Variants in BTBD9 observed in about 807,000 individuals in gnomAD.
BTBD9 encodes BTB domain containing 9.
Under a neutral mutation model 64.3 loss-of-function variants are expected in BTBD9, and 49 were observed. The observed-to-expected ratio is 0.76, with a 90% CI of 0.61 to 0.97. The LOEUF (loss-of-function observed/expected upper bound fraction) is 0.97, where lower values mean the gene tolerates loss of function less well. BTBD9 is among the 50% of genes least tolerant of loss of function. The pLI is 0.00. For missense variants in BTBD9, 598 were observed against 762.1 expected (o/e 0.78, Z 2.53); for synonymous variants, 260 against 274.7 (o/e 0.95, Z 0.53).
chr6:38,347,932 G>A (rs909268382), intron 6 of BTBD9, among the ~76,000 whole-genome samples: 2 of 152,218 alleles, frequency 1.3e-5, no homozygotes, highest in Admixed American at 6.5e-5. Flanking sequence ...GGGAGGCAGA[G>A]GTTGCAGTGA....
intron 6 of BTBD9, among the ~76,000 whole-genome samples, chr6:38,378,897 AG>A (rs1765806220): frequency 6.6e-6 from 1 of 151,544 alleles, no homozygotes; most frequent in African/African-American, 2.4e-5. Flanking sequence ...AAGAAAAAAA[AG>A]GGGAGGCAAG....
At chr6:38,476,893 C>T (rs1770908836) in intron 6 of BTBD9, among the ~76,000 whole-genome samples, 1 of 152,228 alleles carries the variant, frequency 6.6e-6, no homozygotes, top group Admixed American at 6.5e-5. Flanking sequence ...AATGTTATTA[C>T]TATACCTAAT....
At chr6:38,201,052 C>A (rs889491630) in intron 9 of BTBD9, among the ~76,000 whole-genome samples, 1 of 151,540 alleles carries the variant, frequency 6.6e-6, no homozygotes, top group Admixed American at 6.6e-5. Flanking sequence ...AAAAAAAAAT[C>A]CCAAAACCAA....
intron 9 of BTBD9, among the ~76,000 whole-genome samples, chr6:38,230,878 A>C (rs973814003): frequency 1.2e-4 from 18 of 152,168 alleles, no homozygotes; most frequent in African/African-American, 4.1e-4. Context: ...TGCCTACCAC[A>C]GCCTAGTCAC....
At chr6:38,226,770 C>T (rs1013605939) in intron 9 of BTBD9, among the ~76,000 whole-genome samples, 16 of 152,240 alleles carry the variant, frequency 1.1e-4, no homozygotes, top group Admixed American at 7.9e-4. Context: ...CACACACACA[C>T]GCACTCACAG....
chr6:38,590,702 C>G (rs1264800501), intron 4 of BTBD9, among the ~76,000 whole-genome samples: 1 of 152,196 alleles, frequency 6.6e-6, no homozygotes, highest in Non-Finnish European at 1.5e-5. Context: ...TATTTCATTA[C>G]AGACATACCT....
chr6:38,368,467 T>C (rs1037355941), intron 6 of BTBD9, among the ~76,000 whole-genome samples: 19 of 152,184 alleles, frequency 1.2e-4, no homozygotes, highest in African/African-American at 4.3e-4. Context: ...CCTGAGTAGC[T>C]GGGATTATAG....
chr6:38,352,182 G>A (rs984479243), intron 6 of BTBD9, among the ~76,000 whole-genome samples: 1 of 151,984 alleles, frequency 6.6e-6, no homozygotes, highest in Non-Finnish European at 1.5e-5. Context: ...TTCGAGACCA[G>A]CCTGGGCAAC....
At chr6:38,199,060 A>G (rs1762368371) in intron 9 of BTBD9, among the ~76,000 whole-genome samples, 1 of 152,034 alleles carries the variant, frequency 6.6e-6, no homozygotes. Flanking sequence ...CACTCCTCAA[A>G]TCCCTTCCCC....
intron 6 of BTBD9, among the ~76,000 whole-genome samples, chr6:38,472,791 A>C (rs1770709844): frequency 6.6e-6 from 1 of 152,184 alleles, no homozygotes; most frequent in South Asian, 2.1e-4. Flanking sequence ...ATCCTGCTCA[A>C]GTCATAATCA....
intron 6 of BTBD9, among the ~76,000 whole-genome samples, chr6:38,436,645 G>A (rs1768753955): frequency 6.6e-6 from 1 of 151,994 alleles, no homozygotes; most frequent in South Asian, 2.1e-4. Context: ...CAGAATGCTG[G>A]GATTACAGGC....
intron 9 of BTBD9, among the ~76,000 whole-genome samples, chr6:38,253,134 A>ACAAC (rs1245946778): frequency 6.6e-6 from 1 of 151,738 alleles, no homozygotes; most frequent in Middle Eastern, 3.2e-3. Context: ...AACAACAACA[A>ACAAC]CAACAACAAA....
intron 1 of BTBD9, among the ~76,000 whole-genome samples, chr6:38,627,625 T>C (rs1699002): frequency 6.6e-6 from 1 of 151,942 alleles, no homozygotes; most frequent in Non-Finnish European, 1.5e-5. Context: ...TTCAAAGAGG[T>C]GGAACTGGAT....
chr6:38,347,133 C>T (rs1764313182), intron 6 of BTBD9, among the ~76,000 whole-genome samples: 1 of 152,148 alleles, frequency 6.6e-6, no homozygotes. Context: ...TAACTAATTT[C>T]CCAAATTTTA....
chr6:38,328,587 GT>G (rs1763534749), intron 7 of BTBD9, among the ~76,000 whole-genome samples: 2 of 151,090 alleles, frequency 1.3e-5, no homozygotes, highest in Non-Finnish European at 2.9e-5. Flanking sequence ...GTGTGTGTGT[GT>G]GTGTGTGTGT....
intron 6 of BTBD9, among the ~76,000 whole-genome samples, chr6:38,503,426 C>G (rs528245083): frequency 1.3e-5 from 2 of 152,164 alleles, no homozygotes; most frequent in East Asian, 3.9e-4. Context: ...CCTCTCCAAC[C>G]TCTCTCTCTC....
intron 1 of BTBD9, among the ~76,000 whole-genome samples, chr6:38,616,944 C>T (rs149849877): frequency 2.6e-5 from 4 of 152,268 alleles, no homozygotes; most frequent in Admixed American, 6.5e-5. Flanking sequence ...GAACAAACTC[C>T]GGACACATCT....
chr6:38,416,821 C>T (rs2127268439), intron 6 of BTBD9, among the ~76,000 whole-genome samples: 1 of 152,298 alleles, frequency 6.6e-6, no homozygotes, highest in African/African-American at 2.4e-5. Context: ...TACTATTGAA[C>T]ATTTCCAGAA....
intron 6 of BTBD9, among the ~76,000 whole-genome samples, chr6:38,382,199 T>C (rs1454836280): frequency 6.6e-6 from 1 of 152,180 alleles, no homozygotes; most frequent in Non-Finnish European, 1.5e-5. Flanking sequence ...CACCTTAGAT[T>C]TGTGGTGGCT....
Sources: gnomAD v4.1 joint callset for allele counts (sites outside exome capture counted in the v4.1 genomes callset) on GRCh38, gnomAD v4.1.1 for gene constraint, MANE v1.5 for transcripts, NCBI Gene and HGNC (gene_info 2026-07-23, HGNC 2026-07-21) for gene names.